The following ADAMTSL3 variants were observed in gnomAD, a reference collection of about 807,000 sequenced individuals.
ADAMTSL3 encodes ADAMTS-like protein 3.
A neutral mutation model predicts 201.7 loss-of-function variants in ADAMTSL3; 128 were observed. That is an observed-to-expected ratio of 0.63 (90% CI 0.55 to 0.73). The LOEUF (loss-of-function observed/expected upper bound fraction) is 0.73, where lower values mean the gene tolerates loss of function less well. Among genes scored for constraint, ADAMTSL3 ranks in the 30% least tolerant of loss-of-function variants. The pLI, the probability that ADAMTSL3 is intolerant of heterozygous loss-of-function variation, is 0.00. For synonymous variants in ADAMTSL3, 738 were observed against 748.4 expected (o/e 0.99, Z 0.23); for missense variants, 1,990 against 2,119.6 (o/e 0.94, Z 1.20).
intron 6 of ADAMTSL3, among the ~76,000 whole-genome samples, chr15:83,828,264 A>C (rs1190233594): frequency 6.6e-6 from 1 of 152,102 alleles, no homozygotes; most frequent in South Asian, 2.1e-4. Flanking sequence ...TTGGATTCCT[A>C]GGTATTTTAT....
chr15:83,721,099 A>G (rs780040203), intron 3 of ADAMTSL3, among the ~76,000 whole-genome samples: 1 of 152,214 alleles, frequency 6.6e-6, no homozygotes, highest in Non-Finnish European at 1.5e-5. Flanking sequence ...CAGCTTAGTT[A>G]GCAATTTTTT....
intron 3 of ADAMTSL3, among the ~76,000 whole-genome samples, chr15:83,722,152 A>G (rs1401998259): frequency 6.6e-6 from 1 of 152,228 alleles, no homozygotes; most frequent in Non-Finnish European, 1.5e-5. Context: ...AATGAAATCA[A>G]GAGGCGGGAG....
chr15:83,835,064 C>G (rs1449465811), intron 6 of ADAMTSL3, among the ~76,000 whole-genome samples: 1 of 151,930 alleles, frequency 6.6e-6, no homozygotes, highest in Non-Finnish European at 1.5e-5. Flanking sequence ...GAAACCCTGT[C>G]TCTACTGAAA....
chr15:83,774,032 A>G (rs2063030840), intron 4 of ADAMTSL3, among the ~76,000 whole-genome samples: 1 of 152,196 alleles, frequency 6.6e-6, no homozygotes, highest in African/African-American at 2.4e-5. Context: ...TCGATTAGGA[A>G]CATGATGCAA....
At chr15:84,015,123 T>C (rs1446807902) in intron 24 of ADAMTSL3, among the ~76,000 whole-genome samples, 1 of 152,090 alleles carries the variant, frequency 6.6e-6, no homozygotes, top group Non-Finnish European at 1.5e-5. Context: ...TTTTTGTATT[T>C]TTAGTAGAGA....
At chr15:83,960,113 A>G (rs1233614082) in intron 19 of ADAMTSL3, among the ~76,000 whole-genome samples, 1 of 152,194 alleles carries the variant, frequency 6.6e-6, no homozygotes, top group Admixed American at 6.5e-5. Flanking sequence ...TAATTTAAAA[A>G]TATTTATTCA....
chr15:83,926,353 G>C (rs2141995846), intron 17 of ADAMTSL3, among the ~76,000 whole-genome samples: 1 of 152,340 alleles, frequency 6.6e-6, no homozygotes, highest in South Asian at 2.1e-4. Context: ...TTCATCCAGA[G>C]AGTCAGTGGG....
At chr15:83,739,643 A>G (rs2062423300) in intron 3 of ADAMTSL3, 1 of 189,424 alleles carries the variant, frequency 5.3e-6, no homozygotes, top group South Asian at 1.3e-4. Flanking sequence ...AGCATTCTGG[A>G]TAAGGGATAC....
intron 29 of ADAMTSL3, among the ~76,000 whole-genome samples, chr15:84,037,235 T>G (rs2068528820): frequency 6.6e-6 from 1 of 152,190 alleles, no homozygotes; most frequent in South Asian, 2.1e-4. Context: ...GTTACTGCCT[T>G]TCCGACAAGC....
intron 9 of ADAMTSL3, among the ~76,000 whole-genome samples, chr15:83,882,143 G>A (rs541662506): frequency 6.6e-6 from 1 of 152,082 alleles, no homozygotes; most frequent in Non-Finnish European, 1.5e-5. Flanking sequence ...GCGACAGAGC[G>A]AGACTCTGTG....
chr15:83,915,481 CAT>C (rs2066018061), intron 16 of ADAMTSL3, among the ~76,000 whole-genome samples: 1 of 142,034 alleles, frequency 7.0e-6, no homozygotes, highest in Non-Finnish European at 1.5e-5. Flanking sequence ...TGGCTGAACT[CAT>C]GTGATAAATT....
chr15:83,959,978 C>T (rs2066932986), intron 19 of ADAMTSL3, among the ~76,000 whole-genome samples: 2 of 152,108 alleles, frequency 1.3e-5, no homozygotes, highest in African/African-American at 4.8e-5. Context: ...AGTTATTTAA[C>T]CACTTTTATA....
At chr15:83,912,055 T>A (rs2065944503) in intron 15 of ADAMTSL3, among the ~76,000 whole-genome samples, 1 of 152,250 alleles carries the variant, frequency 6.6e-6, no homozygotes, top group Non-Finnish European at 1.5e-5. Context: ...ATTCTATTAC[T>A]GAACTCTTTC....
At chr15:83,908,768 G>A (rs369652854) in intron 15 of ADAMTSL3, among the ~76,000 whole-genome samples, 4 of 152,294 alleles carry the variant, frequency 2.6e-5, no homozygotes, top group African/African-American at 4.8e-5. Context: ...CAAACTTAGC[G>A]GTGTAAAACA....
chr15:83,874,836 G>T (rs1416238870), intron 9 of ADAMTSL3, among the ~76,000 whole-genome samples: 2 of 145,564 alleles, frequency 1.4e-5, no homozygotes, highest in Non-Finnish European at 3.0e-5. Context: ...CTGTGTATTT[G>T]CCCTGCACTG....
chr15:83,848,014 A>T (rs1185435169), intron 7 of ADAMTSL3, among the ~76,000 whole-genome samples: 2 of 152,038 alleles, frequency 1.3e-5, no homozygotes, highest in African/African-American at 2.4e-5. Context: ...CTTATTTTTT[A>T]AAAAAACTAC....
chr15:84,003,390 G>T (rs944300999), intron 23 of ADAMTSL3, among the ~76,000 whole-genome samples: 2 of 152,138 alleles, frequency 1.3e-5, no homozygotes, highest in Non-Finnish European at 2.9e-5. Context: ...AATCCACAGG[G>T]CAGGAGCCTC....
chr15:83,685,814 G>A (rs1157179024), intron 2 of ADAMTSL3, among the ~76,000 whole-genome samples: 2 of 152,158 alleles, frequency 1.3e-5, no homozygotes, highest in African/African-American at 2.4e-5. Flanking sequence ...CAAGCATCTA[G>A]TAGATGCCTG....
intron 2 of ADAMTSL3, among the ~76,000 whole-genome samples, chr15:83,673,074 G>T (rs564398022): frequency 3.9e-5 from 6 of 152,226 alleles, no homozygotes; most frequent in Non-Finnish European, 7.3e-5. Context: ...TTTGGTGCAT[G>T]GAGCAAAGAA....
Sources: gnomAD v4.1 joint callset for allele counts (sites outside exome capture counted in the v4.1 genomes callset) on GRCh38, gnomAD v4.1.1 for gene constraint, MANE v1.5 for transcripts, NCBI Gene and HGNC (gene_info 2026-07-23, HGNC 2026-07-21) for gene names.